SLC8A1: variants seen among roughly 807,000 people sequenced by gnomAD.
SLC8A1 encodes the protein sodium/calcium exchanger 1.
A neutral mutation model predicts 68.3 loss-of-function variants in SLC8A1; 18 were observed. The observed-to-expected ratio is 0.26, with a 90% CI of 0.18 to 0.39. The LOEUF (loss-of-function observed/expected upper bound fraction) is 0.39, where lower values mean the gene tolerates loss of function less well. Ranked by LOEUF, SLC8A1 falls within the 10% of genes least tolerant of loss-of-function variation. The probability of loss-of-function intolerance (pLI) is 1.00; values close to 1 mark genes in which losing one functional copy is unlikely to be tolerated. For synonymous variants in SLC8A1, 475 were observed against 415.5 expected (o/e 1.14, Z -1.74); for missense variants, 985 against 1,156.7 (o/e 0.85, Z 2.15).
chr2:40,487,571 A>G (rs1705050066), intron 1 of SLC8A1, among the ~76,000 whole-genome samples: 1 of 152,212 alleles, frequency 6.6e-6, no homozygotes, highest in African/African-American at 2.4e-5. Flanking sequence ...TAGTTTTGGA[A>G]AAGATATTTG....
At chr2:40,447,766 T>G (rs1196000735) in intron 1 of SLC8A1, among the ~76,000 whole-genome samples, 1 of 152,168 alleles carries the variant, frequency 6.6e-6, no homozygotes, top group Non-Finnish European at 1.5e-5. Context: ...AATAAATGCT[T>G]TGAACCTGGG....
Position 40,116,029 on chromosome 2 carries a change from G to A in SLC8A1, c.2438-400C>T, listed in dbSNP as rs948242503. Among the ~76,000 whole-genome samples, 14 of 152,120 alleles carry A rather than the reference G, an allele frequency of 9.2e-5. 1 individual carries two copies. The highest frequency in any genetic ancestry group is 4.1e-4 in the South Asian group (2 of 4,822). On this transcript the variant is annotated intron_variant, in intron 7 of 7. Coordinates refer to ENST00000406785, the Ensembl canonical transcript of SLC8A1. The stretch of plus-strand genomic sequence containing the variant: ...CGGCTGTGCTGGTCATAATGACAGC[G>A]GCCCAGGAATCTATTTTAACAGTAT...
At chr2:40,100,992 T>C (rs2033858187) in exon 8 of SLC8A1, 1 of 152,192 alleles carries the variant, frequency 6.6e-6, no homozygotes, top group Admixed American at 6.6e-5. Context: ...CTTTTGTGTA[T>C]CAAAATGCAT....
chr2:40,326,009 G>C (rs2075786367), intron 2 of SLC8A1, among the ~76,000 whole-genome samples: 3 of 152,140 alleles, frequency 2.0e-5, no homozygotes, highest in Admixed American at 2.0e-4. Flanking sequence ...CACAGGGAAA[G>C]TCAGCAACTC....
At chr2:40,105,987 G>T (rs2034172591) in exon 8 of SLC8A1, 1 of 152,142 alleles carries the variant, frequency 6.6e-6, no homozygotes, top group African/African-American at 2.4e-5. Context: ...GCAGTGGTTG[G>T]GCGCTGATGT....
At chr2:40,393,361 T>C (rs1685918726) in intron 2 of SLC8A1, among the ~76,000 whole-genome samples, 1 of 152,126 alleles carries the variant, frequency 6.6e-6, no homozygotes, top group African/African-American at 2.4e-5. Context: ...TGTTTATGGT[T>C]GCTTTATCTG....
intron 2 of SLC8A1, among the ~76,000 whole-genome samples, chr2:40,394,165 G>T (rs1164587883): frequency 2.0e-5 from 3 of 152,066 alleles, no homozygotes; most frequent in African/African-American, 7.2e-5. Flanking sequence ...TTAAAAAAAG[G>T]TTACTAGTCT....
chr2:40,417,718 T>C lies in SLC8A1; in HGVS notation c.1808+10755A>G, dbSNP rs572688191. On this transcript the variant is annotated intron_variant, in intron 2 of 7. Coordinates refer to ENST00000406785, the Ensembl canonical transcript of SLC8A1. The stretch of plus-strand genomic sequence containing the variant: ...AGTATGGCCCCAAAGCGTGGGCCTT[T>C]AGTCTTTATGTTACCAGCAGAAATG... Among the ~76,000 whole-genome samples, 7 of 152,250 alleles carry C rather than the reference T, an allele frequency of 4.6e-5. No homozygotes were observed. In the East Asian group the frequency reaches 1.2e-3, roughly 25 times the overall value.
intron 1 of SLC8A1, among the ~76,000 whole-genome samples, chr2:40,467,139 C>A (rs576373799): frequency 6.6e-6 from 1 of 152,074 alleles, no homozygotes; most frequent in South Asian, 2.1e-4. Flanking sequence ...GGAGGCTAAG[C>A]TGGTTAGAGC....
intron 2 of SLC8A1, among the ~76,000 whole-genome samples, chr2:40,234,696 T>C (rs1260513412): frequency 1.3e-5 from 2 of 152,222 alleles, no homozygotes; most frequent in Non-Finnish European, 2.9e-5. Flanking sequence ...AAGGGAATGC[T>C]TCCAGTTTTT....
intron 1 of SLC8A1, among the ~76,000 whole-genome samples, chr2:40,463,721 G>A (rs1394999689): frequency 2.0e-5 from 3 of 151,896 alleles, no homozygotes; most frequent in Non-Finnish European, 4.4e-5. Context: ...CAGATTGCTT[G>A]GTGGAATCTT....
At chr2:40,303,685 T>C (rs1192204493) in intron 2 of SLC8A1, among the ~76,000 whole-genome samples, 1 of 152,102 alleles carries the variant, frequency 6.6e-6, no homozygotes, top group East Asian at 1.9e-4. Context: ...AGATGTATAA[T>C]TTGCTATAAA....
intron 1 of SLC8A1, 108 bp from the exon 2 acceptor site, chr2:40,430,412 T>C: frequency 4.1e-6 from 5 of 1,225,496 alleles, no homozygotes; most frequent in South Asian, 3.3e-5. Context: ...AAAATTTGTT[T>C]ATATTTGACC....
chr2:40,155,830 G>C (rs1007736514), intron 6 of SLC8A1, among the ~76,000 whole-genome samples: 2 of 152,120 alleles, frequency 1.3e-5, no homozygotes, highest in Non-Finnish European at 2.9e-5. Flanking sequence ...TATTTAGCTG[G>C]AACTGGGTCA....
intron 2 of SLC8A1, among the ~76,000 whole-genome samples, chr2:40,190,129 G>A (rs1410766208): frequency 6.6e-6 from 1 of 152,172 alleles, no homozygotes; most frequent in Non-Finnish European, 1.5e-5. Flanking sequence ...AATTCTTCAT[G>A]CTAAATCACT....
chr2:40,379,775 C>T (rs753500073), intron 2 of SLC8A1, among the ~76,000 whole-genome samples: 2 of 151,910 alleles, frequency 1.3e-5, no homozygotes, highest in Non-Finnish European at 2.9e-5. Flanking sequence ...GCCACATTTT[C>T]CTTGGGGCAG....
chr2:40,141,671 C>A (rs543501978), intron 6 of SLC8A1, among the ~76,000 whole-genome samples: 37 of 152,264 alleles, frequency 2.4e-4, no homozygotes, highest in Non-Finnish European at 1.6e-4. Context: ...AATAAAAACA[C>A]CTGGTATGGG....
At chr2:40,434,596 T>A (rs1490691840) in intron 1 of SLC8A1, among the ~76,000 whole-genome samples, 4 of 152,206 alleles carry the variant, frequency 2.6e-5, no homozygotes, top group African/African-American at 7.2e-5. Context: ...TCTTATATTC[T>A]GCCTTAATTT....
In SLC8A1 at chr2:40,099,377, G is replaced by T. The variant is rs371090014; in HGVS notation, c.*15876C>A. On this transcript the variant is annotated 3_prime_UTR_variant, in exon 8 of 8. Transcript: ENST00000406785. ...CAAAGAATAGAAACGGAAAAATTCA[G>T]TTAAGTATTACTGATAAACCACCAC... is the stretch of plus-strand genomic sequence containing the variant. The T allele has an allele frequency of 9.2e-5, 14 of 152,164 alleles. No individual in the cohort carries two copies. The East Asian group carries it at 2.5e-3, about 27-fold the overall frequency. The allele number at this position is 152,164 out of a possible 1,614,324, so 9.4% of individuals were successfully genotyped here.
Sources: gnomAD v4.1 joint callset for allele counts (sites outside exome capture counted in the v4.1 genomes callset) on GRCh38, gnomAD v4.1.1 for gene constraint, MANE v1.5 for transcripts, NCBI Gene and HGNC (gene_info 2026-07-23, HGNC 2026-07-21) for gene names.